THSD7B: variants seen among roughly 807,000 people sequenced by gnomAD.
The protein encoded by THSD7B is thrombospondin type 1 domain containing 7B.
A neutral mutation model predicts 213.6 loss-of-function variants in THSD7B; 138 were observed. That is an observed-to-expected ratio of 0.65 (90% confidence interval 0.56 to 0.74). The LOEUF (loss-of-function observed/expected upper bound fraction) is 0.74. THSD7B is among the 30% of genes least tolerant of loss of function. The pLI, the probability that THSD7B is intolerant of heterozygous loss-of-function variation, is 0.00. For synonymous variants in THSD7B, 742 were observed against 687.0 expected, an observed-to-expected ratio of 1.08 and a Z score of -1.25; for missense variants, 1,931 against 1,991.5, an observed-to-expected ratio of 0.97 and a Z score of 0.58.
In THSD7B at chr2:136,928,269, A is replaced by G. The variant is rs546971239; in HGVS notation, c.139+45952A>G. Among the ~76,000 whole-genome samples the G allele has an allele frequency of 1.8e-4, 27 of 152,342 alleles. No homozygotes were observed. The South Asian group carries it at 5.6e-3, about 32-fold the overall frequency. ...AAGTGTTGAATATCTCATATAATTCACTGAACGCTGTACTAAAAATGAAAA... is the reference window on the plus strand; with the variant it reads ...AAGTGTTGAATATCTCATATAATTCGCTGAACGCTGTACTAAAAATGAAAA... On this transcript the variant is annotated intron_variant, in intron 2 of 27. Coordinates refer to ENST00000409968, the MANE Select transcript of THSD7B (RefSeq NM_001316349.2).
At chr2:137,156,448 A>G (rs1679910656) in intron 5 of THSD7B, among the ~76,000 whole-genome samples, 1 of 152,172 alleles carries the variant, frequency 6.6e-6, no homozygotes, top group South Asian at 2.1e-4. Flanking sequence ...GTCCTCCAAT[A>G]TGTCACTTAA....
At chr2:137,011,256 C>G (rs1462246697) in intron 2 of THSD7B, among the ~76,000 whole-genome samples, 3 of 152,072 alleles carry the variant, frequency 2.0e-5, no homozygotes, top group Non-Finnish European at 1.5e-5. Flanking sequence ...AAGTTTTACC[C>G]CTAAAGCTTT....
At chr2:137,365,554 A>G in intron 12 of THSD7B, among the ~76,000 whole-genome samples, 1 of 142,374 alleles carries the variant, frequency 7.0e-6, no homozygotes, top group African/African-American at 2.4e-5. Flanking sequence ...AGAAAAAATC[A>G]AACAACCCAT....
intron 12 of THSD7B, among the ~76,000 whole-genome samples, chr2:137,359,827 G>A (rs762302992): frequency 6.6e-6 from 1 of 152,066 alleles, no homozygotes; most frequent in Non-Finnish European, 1.5e-5. Flanking sequence ...TTATCTTGCT[G>A]TTCTTCCCAC....
At chr2:137,223,635 A>G (rs774263228) in intron 7 of THSD7B, among the ~76,000 whole-genome samples, 1 of 152,114 alleles carries the variant, frequency 6.6e-6, no homozygotes, top group Middle Eastern at 3.2e-3. Flanking sequence ...AGTTATAGTA[A>G]TTTTCAAACT....
At chr2:136,890,378 TCTTCC>T (rs1558839990) in intron 2 of THSD7B, among the ~76,000 whole-genome samples, 2 of 2,412 alleles carry the variant, frequency 8.3e-4, no homozygotes, top group Admixed American at 3.4e-3. Flanking sequence ...TTCTTCTTCC[TCTTCC>T]TCTTCCTCTT....
chr2:137,405,894 A>C (rs555709793), intron 13 of THSD7B, 87 bp downstream of exon 13: 1 of 1,236,560 alleles, frequency 8.1e-7, no homozygotes, highest in Non-Finnish European at 1.1e-6. Context: ...AAGGACAGGA[A>C]TTTGCATCAG....
chr2:137,369,118 T>G, intron 12 of THSD7B, among the ~76,000 whole-genome samples: 1 of 131,042 alleles, frequency 7.6e-6, no homozygotes, highest in Admixed American at 8.5e-5. Flanking sequence ...GTTGTTTTTG[T>G]TGTTGTTGTT....
At chr2:137,580,515 A>G (rs1681551287) in intron 17 of THSD7B, among the ~76,000 whole-genome samples, 1 of 152,178 alleles carries the variant, frequency 6.6e-6, no homozygotes, top group South Asian at 2.1e-4. Flanking sequence ...ACTTTTACCT[A>G]TCCTTTCTTG....
intron 15 of THSD7B, among the ~76,000 whole-genome samples, chr2:137,542,408 T>C (rs1573695599): frequency 6.6e-6 from 1 of 151,412 alleles, no homozygotes; most frequent in African/African-American, 2.4e-5. Context: ...AAACTGAGTA[T>C]ATTAATTGCT....
chr2:137,359,980 G>A (rs978932312), intron 12 of THSD7B, among the ~76,000 whole-genome samples: 23 of 152,124 alleles, frequency 1.5e-4, no homozygotes, highest in African/African-American at 5.6e-4. Flanking sequence ...TCCAATCATA[G>A]GAATAAAAGT....
chr2:137,631,216 T>C (rs1169761491), intron 20 of THSD7B, among the ~76,000 whole-genome samples: 2 of 152,210 alleles, frequency 1.3e-5, no homozygotes, highest in African/African-American at 2.4e-5. Flanking sequence ...GGGATCTTTT[T>C]AGATAGATTT....
intron 12 of THSD7B, among the ~76,000 whole-genome samples, chr2:137,311,326 G>C (rs2104861613): frequency 6.6e-6 from 1 of 151,994 alleles, no homozygotes; most frequent in Admixed American, 6.6e-5. Flanking sequence ...TGGTGTATAA[G>C]AATGCTTGTG....
intron 14 of THSD7B, among the ~76,000 whole-genome samples, chr2:137,425,742 T>G (rs775780311): frequency 2.6e-5 from 4 of 152,172 alleles, no homozygotes; most frequent in Non-Finnish European, 4.4e-5. Context: ...TCCTCAATGG[T>G]AAAAAGTTGA....
chr2:137,656,672 G>C (rs1262716616), intron 22 of THSD7B, 124 bp from the exon 23 acceptor site: 2 of 813,530 alleles, frequency 2.5e-6, no homozygotes, highest in African/African-American at 3.5e-5. Flanking sequence ...GATCAATATA[G>C]AATGTGTAGT....
intron 15 of THSD7B, among the ~76,000 whole-genome samples, chr2:137,458,507 C>T (rs1687815007): frequency 6.6e-6 from 1 of 152,130 alleles, no homozygotes; most frequent in African/African-American, 2.4e-5. Flanking sequence ...TTTAAAACTT[C>T]CATTGATAGC....
chr2:137,488,816 A>T (rs570416664), intron 15 of THSD7B, among the ~76,000 whole-genome samples: 9 of 152,332 alleles, frequency 5.9e-5, no homozygotes, highest in African/African-American at 1.9e-4. Context: ...AACTTTGTTC[A>T]TTGGGTAGTC....
intron 4 of THSD7B, among the ~76,000 whole-genome samples, chr2:137,104,562 C>A (rs1300811899): frequency 6.6e-6 from 1 of 151,936 alleles, no homozygotes; most frequent in Non-Finnish European, 1.5e-5. Flanking sequence ...AAGATCAGAG[C>A]AGAACTGAAG....
At chr2:137,463,022 A>G (rs1462776823) in intron 15 of THSD7B, among the ~76,000 whole-genome samples, 2 of 152,164 alleles carry the variant, frequency 1.3e-5, no homozygotes, top group African/African-American at 2.4e-5. Context: ...AGTTTCAGGC[A>G]TCCACTGGGA....
Sources: allele counts gnomAD v4.1 joint callset (sites outside exome capture counted in the v4.1 genomes callset), GRCh38; gene constraint gnomAD v4.1.1; transcripts MANE v1.5; gene names NCBI Gene and HGNC (gene_info 2026-07-23, HGNC 2026-07-21).